Variants in WNT3A observed in about 807,000 individuals in gnomAD.
WNT3A encodes the protein Wnt family member 3A, also known as protein Wnt-3a.
WNT3A carries 17 observed loss-of-function variants against 37.0 expected under a neutral mutation model. That is an observed-to-expected ratio of 0.46 (90% CI 0.31 to 0.69). The LOEUF is 0.69. Ranked by LOEUF, WNT3A falls within the 30% of genes least tolerant of loss-of-function variation. The pLI, the probability that WNT3A is intolerant of heterozygous loss-of-function variation, is 0.05. For synonymous variants in WNT3A, 187 were observed against 211.0 expected (o/e 0.89, Z 0.99); for missense variants, 411 against 510.2 (o/e 0.81, Z 1.87).
At chr1:228,012,908 C>T (rs1300060227) in intron 1 of WNT3A, among the ~76,000 whole-genome samples, 3 of 152,130 alleles carry the variant, frequency 2.0e-5, no homozygotes, top group Admixed American at 2.0e-4. Context: ...GACAGGGTCT[C>T]GCTCTGTCAC....
intron 2 of WNT3A, among the ~76,000 whole-genome samples, chr1:228,041,923 T>C (rs937664166): frequency 6.6e-6 from 1 of 152,230 alleles, no homozygotes; most frequent in Non-Finnish European, 1.5e-5. Context: ...CTCCTTCAAC[T>C]TTCAGAAAGC....
intron 1 of WNT3A, among the ~76,000 whole-genome samples, chr1:228,021,504 C>T (rs777841012): frequency 3.5e-4 from 54 of 152,282 alleles, no homozygotes; most frequent in Non-Finnish European, 6.6e-4. Context: ...TCCCCACGTG[C>T]TCACGGGAGC....
intron 2 of WNT3A, among the ~76,000 whole-genome samples, chr1:228,041,515 CA>C (rs2031283811): frequency 6.6e-6 from 1 of 150,668 alleles, no homozygotes; most frequent in African/African-American, 2.5e-5. Context: ...ATCTATCCAT[CA>C]ATTCATCCAT....
chr1:228,008,148 G>T lies in WNT3A; in HGVS notation c.71+949G>T. On this transcript the variant is annotated intron_variant, in intron 1 of 3. Coordinates refer to ENST00000284523, the MANE Select transcript of WNT3A (RefSeq NM_033131.4). The surrounding 1 kb of genome is among the most constrained non-coding windows in gnomAD (Gnocchi z 4.9). ...ACCAAGCAAGGATCACCCCAGTTCC[G>T]AATTAAGGGCGCTCTGAGATGCCCA... Among the ~76,000 whole-genome samples, 1 of 152,180 alleles carries T rather than the reference G, an allele frequency of 6.6e-6. No individual in the cohort carries two copies. Among genetic ancestry groups the T allele is most frequent in the Non-Finnish European group, 1.5e-5 (1 of 68,038 alleles).
At chr1:228,047,809 G>A (rs1201015217) in intron 2 of WNT3A, among the ~76,000 whole-genome samples, 1 of 152,034 alleles carries the variant, frequency 6.6e-6, no homozygotes, top group East Asian at 1.9e-4. Flanking sequence ...AAGAGTGGGG[G>A]AAGAGGTGCC....
intron 3 of WNT3A, among the ~76,000 whole-genome samples, chr1:228,057,545 C>T (rs2031704982): frequency 2.0e-5 from 3 of 152,076 alleles, no homozygotes; most frequent in Admixed American, 6.6e-5. Flanking sequence ...ATTAGATAAA[C>T]TAGACTGGGC....
chr1:228,040,040 C>T lies in WNT3A; in HGVS notation c.314-10616C>T, dbSNP rs142253294. On this transcript the variant is annotated intron_variant, in intron 2 of 3. Coordinates refer to ENST00000284523, the MANE Select transcript of WNT3A (RefSeq NM_033131.4). ...TGTATCAGCCCCCACAGCCTTTCCA[C>T]AGATAGGCATGTCCCCCTCAGCCAT... Among the ~76,000 whole-genome samples, 891 of 152,304 alleles carry T rather than the reference C, an allele frequency of 5.9e-3. 11 individuals carry two copies. The highest frequency in any genetic ancestry group is 0.021 in the African/African-American group (861 of 41,570).
chr1:228,060,176 TC>T lies in WNT3A; in HGVS notation c.*713del. ...TGGGACTCTTCCCTGGGAACCGCCC[TC>T]CTGATTAAGGCGTGGCTTCTGCAGG... On this transcript the variant is annotated 3_prime_UTR_variant, in exon 4 of 4. Coordinates refer to ENST00000284523, the MANE Select transcript of WNT3A (RefSeq NM_033131.4). The T allele has an allele frequency of 7.4e-7, 1 of 1,351,388 alleles. No homozygotes were observed. Among genetic ancestry groups the T allele is most frequent in the Non-Finnish European group, 9.8e-7 (1 of 1,021,318 alleles). 83.7% of individuals were successfully genotyped at this position (1,351,388 alleles called of 1,614,324 possible).
In WNT3A at chr1:228,059,249, C is replaced by G; in HGVS notation, c.843C>G (p.Cys281Trp). 6.2e-7 allele frequency: 1 copy of G among 1,608,390 alleles called. No homozygotes were observed. The highest frequency in any genetic ancestry group is 1.1e-5 in the South Asian group (1 of 90,900). ...LVYYEASPNF[C>W]EPNPETGSFG... is the part of the protein sequence containing the mutation. ...ACTACGAGGCCTCGCCCAACTTCTG[C>G]GAGCCCAACCCTGAGACGGGCTCCT... The change falls in exon 4 of 4, where the codon TGC becomes TGG. Residue 281 changes from cysteine (C) to tryptophan (W), a missense_variant. Physicochemically the swap from Cys to Trp is radical, Grantham distance 215. Transcript: ENST00000284523.
chr1:228,035,215 C>G lies in WNT3A; in HGVS notation c.313+12307C>G, dbSNP rs150264965. 2.4e-4 allele frequency among the ~76,000 whole-genome samples: 36 copies of G among 152,318 alleles called. 1 individual carries two copies. Among genetic ancestry groups the G allele is most frequent in the African/African-American group, 8.4e-4 (35 of 41,568 alleles). On this transcript the variant is annotated intron_variant, in intron 2 of 3. Transcript: ENST00000284523. ...ACACATATGCAGTATTTTCTAGGCA[C>G]CATTTAAGTGTTCGACACACCATGG...
rs1173690184 is a variant in WNT3A, at chr1:228,031,973, A to G, written c.313+9065A>G. Among the ~76,000 whole-genome samples the G allele has an allele frequency of 6.6e-6, 1 of 152,164 alleles. No homozygotes were observed. The highest frequency in any genetic ancestry group is 2.4e-5 in the African/African-American group (1 of 41,434). ...CAGGAAGCCTGTCCTGCTTGGAGCC[A>G]TACCAGGTGATGGAGGAAGGCTGTG... On this transcript the variant is annotated intron_variant, in intron 2 of 3. Coordinates refer to ENST00000284523, the MANE Select transcript of WNT3A (RefSeq NM_033131.4). The surrounding 1 kb of genome is among the most constrained non-coding windows in gnomAD (Gnocchi z 4.8).
chr1:228,053,063 T>A (rs1181501890), intron 3 of WNT3A, among the ~76,000 whole-genome samples: 1 of 152,236 alleles, frequency 6.6e-6, no homozygotes, highest in East Asian at 1.9e-4. Flanking sequence ...TCTCTCTTTC[T>A]ATTACTTTCC....
chr1:228,043,877 C>A (rs1328787938), intron 2 of WNT3A, among the ~76,000 whole-genome samples: 4 of 152,182 alleles, frequency 2.6e-5, no homozygotes, highest in Non-Finnish European at 5.9e-5. Flanking sequence ...TGGAATCCAA[C>A]CCATAGGCTC....
Position 228,008,217 on chromosome 1 carries a change from G to T in WNT3A, c.71+1018G>T, listed in dbSNP as rs2030260767. ...GGGAGGAATGTGGGCGCGCAGGGCC[G>T]GGCGCAGCGCTGGTAGGACCCACAG... is the stretch of plus-strand genomic sequence containing the variant. On this transcript the variant is annotated intron_variant, in intron 1 of 3. Transcript: ENST00000284523. The surrounding 1 kb of genome is among the most constrained non-coding windows in gnomAD (Gnocchi z 4.9). Among the ~76,000 whole-genome samples the T allele has an allele frequency of 6.6e-6, 1 of 152,160 alleles. No individual in the cohort carries two copies. The highest frequency in any genetic ancestry group is 2.1e-4 in the South Asian group (1 of 4,836).
intron 1 of WNT3A, among the ~76,000 whole-genome samples, chr1:228,016,928 G>A (rs760789201): frequency 3.9e-5 from 6 of 152,290 alleles, no homozygotes; most frequent in African/African-American, 7.2e-5. Flanking sequence ...AGTGATCTGC[G>A]TCTGAGACCT....
chr1:228,038,714 C>T lies in WNT3A; in HGVS notation c.314-11942C>T, dbSNP rs1349692376. 6.6e-6 allele frequency among the ~76,000 whole-genome samples: 1 copy of T among 152,162 alleles called. No homozygotes were observed. The highest frequency in any genetic ancestry group is 1.5e-5 in the Non-Finnish European group (1 of 68,012). On this transcript the variant is annotated intron_variant, in intron 2 of 3. Transcript: ENST00000284523. The surrounding 1 kb of genome is among the most constrained non-coding windows in gnomAD (Gnocchi z 5.7). ...ATGTGGTGGGGGTGTGGTAATCATA[C>T]AGGGTGCAGCGTGCACGGGGGGCTG...
At chr1:228,046,509 G>A (rs576031691) in intron 2 of WNT3A, among the ~76,000 whole-genome samples, 35 of 150,628 alleles carry the variant, frequency 2.3e-4, no homozygotes, top group African/African-American at 8.3e-4. Context: ...GTATGTGTAT[G>A]GTATTCATGT....
chr1:228,016,738 G>A (rs1200021374), intron 1 of WNT3A, among the ~76,000 whole-genome samples: 3 of 152,156 alleles, frequency 2.0e-5, no homozygotes, highest in African/African-American at 4.8e-5. Context: ...GCATGGCACC[G>A]GCATCTGCTG....
chr1:228,024,817 T>A (rs975792385), intron 2 of WNT3A, among the ~76,000 whole-genome samples: 1 of 152,266 alleles, frequency 6.6e-6, no homozygotes, highest in African/African-American at 2.4e-5. Context: ...TCTTTTTATA[T>A]GGTATGAGGT....
Sources: gnomAD v4.1 joint callset for allele counts (sites outside exome capture counted in the v4.1 genomes callset) on GRCh38, gnomAD v4.1.1 for gene constraint, Gnocchi (gnomAD v3.1) non-coding constraint, MANE v1.5 for transcripts, NCBI Gene and HGNC (gene_info 2026-07-23, HGNC 2026-07-21) for gene names.